Variants in STAU2 observed in about 807,000 individuals in gnomAD.
STAU2 encodes double-stranded RNA-binding protein Staufen homolog 2.
Under a neutral mutation model 65.9 loss-of-function variants are expected in STAU2, and 20 were observed. The observed-to-expected ratio is 0.30, with a 90% confidence interval of 0.21 to 0.44. The LOEUF is 0.44. Among genes scored for constraint, STAU2 ranks in the 20% least tolerant of loss-of-function variants. The pLI is 1.00. For missense variants in STAU2, 558 were observed against 683.9 expected, an observed-to-expected ratio of 0.82 and a Z score of 2.05; for synonymous variants, 232 against 233.9, an observed-to-expected ratio of 0.99 and a Z score of 0.07.
chr8:73,488,595 G>A (rs1375112094), intron 13 of STAU2, among the ~76,000 whole-genome samples: 1 of 151,468 alleles, frequency 6.6e-6, no homozygotes, highest in Non-Finnish European at 1.5e-5. Flanking sequence ...CATTGACAAT[G>A]AAAGATTCAG....
chr8:73,734,997 T>C (rs1053804265), intron 3 of STAU2, among the ~76,000 whole-genome samples: 1 of 152,154 alleles, frequency 6.6e-6, no homozygotes, highest in Non-Finnish European at 1.5e-5. Flanking sequence ...TGCAGTGGTA[T>C]GATCACAGTT....
At chr8:73,575,864 G>A (rs1208884967) in intron 12 of STAU2, among the ~76,000 whole-genome samples, 1 of 151,860 alleles carries the variant, frequency 6.6e-6, no homozygotes, top group Admixed American at 6.6e-5. Flanking sequence ...GGTGGCCACT[G>A]CACTAATGAG....
chr8:73,469,049 C>G (rs1316217039), intron 13 of STAU2, among the ~76,000 whole-genome samples: 1 of 152,012 alleles, frequency 6.6e-6, no homozygotes, highest in South Asian at 2.1e-4. Flanking sequence ...AGACTTGGAA[C>G]CAACCCAAAT....
chr8:73,662,408 T>A (rs1816896127), intron 6 of STAU2, among the ~76,000 whole-genome samples: 2 of 152,358 alleles, frequency 1.3e-5, no homozygotes, highest in South Asian at 4.1e-4. Flanking sequence ...TGATCCATGT[T>A]TAAATTTTGA....
chr8:73,653,256 T>C (rs1816043578), intron 6 of STAU2: 1 of 152,248 alleles, frequency 6.6e-6, no homozygotes, highest in Admixed American at 6.5e-5. Context: ...AGGCTTGTAA[T>C]ACTTATTGTT....
At chr8:73,511,597 C>T (rs972327836) in intron 13 of STAU2, 7 of 152,866 alleles carry the variant, frequency 4.6e-5, no homozygotes, top group African/African-American at 1.7e-4. Context: ...GGGACAGGGA[C>T]AGCAAGAGAA....
intron 3 of STAU2, among the ~76,000 whole-genome samples, chr8:73,714,819 C>A (rs953302832): frequency 6.6e-6 from 1 of 152,094 alleles, no homozygotes; most frequent in South Asian, 2.1e-4. Context: ...TGGTGGCTCA[C>A]GTCTGGAATC....
intron 4 of STAU2, among the ~76,000 whole-genome samples, chr8:73,701,081 G>T (rs1290048979): frequency 6.6e-6 from 1 of 152,042 alleles, no homozygotes; most frequent in Admixed American, 6.6e-5. Context: ...GCAGAAAAAT[G>T]AAACTAGACC....
At chr8:73,674,495 G>T (rs1364636557) in intron 5 of STAU2, among the ~76,000 whole-genome samples, 2 of 151,726 alleles carry the variant, frequency 1.3e-5, no homozygotes, top group African/African-American at 4.8e-5. Flanking sequence ...TCTCTATAAA[G>T]AAAACAAAGC....
intron 6 of STAU2, among the ~76,000 whole-genome samples, chr8:73,665,900 T>A (rs1817205247): frequency 6.6e-6 from 1 of 152,178 alleles, no homozygotes; most frequent in Non-Finnish European, 1.5e-5. Context: ...CATTAAGTCA[T>A]CTCTAGATTA....
rs553876061 is a variant in STAU2, at chr8:73,571,517, T to G, written c.1222+11253A>C. Among the ~76,000 whole-genome samples, 6 of 152,266 alleles carry G rather than the reference T, an allele frequency of 3.9e-5. No homozygotes were observed. In the South Asian group the frequency reaches 1.2e-3, roughly 32 times the overall value. The stretch of plus-strand genomic sequence containing the variant: ...TGGAAGTAAAGCACTCCTCAGCAAA[T>G]GTAAAAGAACAGAAATTATAACAAA... On this transcript the variant is annotated intron_variant, in intron 12 of 14. Coordinates refer to ENST00000524300, the MANE Select transcript of STAU2 (RefSeq NM_001164380.2).
chr8:73,436,374 A>T (rs1817681278), intron 13 of STAU2, among the ~76,000 whole-genome samples: 1 of 151,714 alleles, frequency 6.6e-6, no homozygotes, highest in Non-Finnish European at 1.5e-5. Flanking sequence ...ACGGAGCTAG[A>T]ACAGACCTTT....
At chr8:73,551,218 TA>T in intron 13 of STAU2, 1 of 987,460 alleles carries the variant, frequency 1.0e-6, no homozygotes, top group Non-Finnish European at 1.2e-6. Context: ...AATGTATCCA[TA>T]AAGGAGTGCT....
intron 1 of STAU2, among the ~76,000 whole-genome samples, chr8:73,746,139 T>G (rs1465846729): frequency 6.6e-6 from 1 of 151,974 alleles, no homozygotes; most frequent in East Asian, 1.9e-4. Context: ...AGGATATATT[T>G]TGTCCCCTCG....
chr8:73,462,295 T>C (rs10107652), intron 13 of STAU2, among the ~76,000 whole-genome samples: 62,154 of 151,734 alleles, frequency 0.41, 13,096 homozygotes, highest in Non-Finnish European at 0.46. Context: ...GGTTTTCCCA[T>C]GTTGGCATGT....
rs777002978 is a variant in STAU2 at position 73,688,614 on chromosome 8, C to T, written c.274+40G>A. 4.3e-6 allele frequency: 7 copies of T among 1,611,130 alleles called. No homozygotes were observed. The South Asian group carries it at 5.5e-5, about 13-fold the overall frequency. On this transcript the variant is annotated intron_variant, in intron 5 of 14. Coordinates refer to ENST00000524300, the MANE Select transcript of STAU2 (RefSeq NM_001164380.2). The stretch of plus-strand genomic sequence containing the variant: ...AATGAAACATACAACAAGCAGAACA[C>T]ACATAGCAGACAACATAACAGAAGG...
chr8:73,635,002 T>C (rs572745670), intron 6 of STAU2, among the ~76,000 whole-genome samples: 18 of 152,364 alleles, frequency 1.2e-4, no homozygotes, highest in African/African-American at 4.1e-4. Flanking sequence ...GAAATGTCTG[T>C]TGATGTACTC....
chr8:73,626,709 T>A (rs1813668468), intron 6 of STAU2, among the ~76,000 whole-genome samples: 1 of 152,214 alleles, frequency 6.6e-6, no homozygotes, highest in Non-Finnish European at 1.5e-5. Context: ...TAGGAGCAAC[T>A]GCAGCAGAGT....
Position 73,474,244 on chromosome 8 carries a change from G to A in STAU2, c.1531-51542C>T, listed in dbSNP as rs374798384. On this transcript the variant is annotated intron_variant, in intron 13 of 14. Coordinates refer to ENST00000524300, the MANE Select transcript of STAU2 (RefSeq NM_001164380.2). Reference sequence around the variant, plus strand: ...TTTAGCAAGTCCCTGGAGTCTGCAGGCATTTTCTTCTTGAAATGTCTGCCA... The same window carrying A: ...TTTAGCAAGTCCCTGGAGTCTGCAGACATTTTCTTCTTGAAATGTCTGCCA... Among the ~76,000 whole-genome samples, 207 of 152,284 alleles carry A rather than the reference G, an allele frequency of 1.4e-3. 1 individual carries two copies. Among genetic ancestry groups the A allele is most frequent in the African/African-American group, 4.6e-3 (190 of 41,548 alleles).
Sources: gnomAD v4.1 joint callset for allele counts (sites outside exome capture counted in the v4.1 genomes callset) on GRCh38, gnomAD v4.1.1 for gene constraint, MANE v1.5 for transcripts, NCBI Gene and HGNC (gene_info 2026-07-23, HGNC 2026-07-21) for gene names.